MPP7: variants seen among roughly 807,000 people sequenced by gnomAD.
The protein encoded by MPP7 is MAGUK p55 subfamily member 7.
Under a neutral mutation model 76.5 loss-of-function variants are expected in MPP7, and 60 were observed. That is an observed-to-expected ratio of 0.78 (90% CI 0.64 to 0.97). The LOEUF is 0.97. Ranked by LOEUF, MPP7 falls within the 50% of genes least tolerant of loss-of-function variation. The pLI is 0.00. For synonymous variants in MPP7, 237 were observed against 244.5 expected (o/e 0.97, Z 0.29); for missense variants, 641 against 694.0 (o/e 0.92, Z 0.86).
intron 8 of MPP7, among the ~76,000 whole-genome samples, chr10:28,121,501 CTGAG>C (rs1385099131): frequency 6.6e-6 from 1 of 151,994 alleles, no homozygotes. Context: ...GATGAAAAGA[CTGAG>C]TATCTATTCT....
chr10:28,213,473 G>A (rs1838209004), intron 2 of MPP7, among the ~76,000 whole-genome samples: 1 of 152,052 alleles, frequency 6.6e-6, no homozygotes, highest in Non-Finnish European at 1.5e-5. Context: ...CTGAGAGTGA[G>A]GACATGGAAG....
chr10:28,128,653 T>C (rs982099402), intron 6 of MPP7, among the ~76,000 whole-genome samples: 2 of 152,152 alleles, frequency 1.3e-5, no homozygotes, highest in Non-Finnish European at 2.9e-5. Flanking sequence ...AAGGATGGAA[T>C]TGCCATCAAC....
intron 2 of MPP7, among the ~76,000 whole-genome samples, chr10:28,323,474 A>G (rs2133186051): frequency 6.6e-6 from 1 of 151,990 alleles, no homozygotes; most frequent in Admixed American, 6.5e-5. Flanking sequence ...AAAAGAAAGA[A>G]AGAAATCCCA....
chr10:28,165,482 C>T (rs2133840803), intron 3 of MPP7, among the ~76,000 whole-genome samples: 1 of 150,920 alleles, frequency 6.6e-6, no homozygotes, highest in Admixed American at 6.6e-5. Context: ...GCCATGACTG[C>T]ACCACTGCCC....
intron 2 of MPP7, among the ~76,000 whole-genome samples, chr10:28,217,726 G>A (rs1156704617): frequency 6.6e-6 from 1 of 151,974 alleles, no homozygotes; most frequent in Non-Finnish European, 1.5e-5. Context: ...GAAAAAAGAA[G>A]CCAGGAAACA....
At chr10:28,163,960 G>A (rs1420280127) in intron 3 of MPP7, among the ~76,000 whole-genome samples, 2 of 151,198 alleles carry the variant, frequency 1.3e-5, no homozygotes, top group Non-Finnish European at 2.9e-5. Context: ...AAAAACCAGA[G>A]GAACGATGCT....
intron 1 of MPP7, among the ~76,000 whole-genome samples, chr10:28,244,505 T>C (rs1278687104): frequency 6.6e-6 from 1 of 151,994 alleles, no homozygotes; most frequent in East Asian, 1.9e-4. Flanking sequence ...TTCCTAGTTT[T>C]CAAGAAAAAA....
intron 3 of MPP7, among the ~76,000 whole-genome samples, chr10:28,158,506 G>A (rs1025554218): frequency 6.6e-6 from 1 of 152,152 alleles, no homozygotes; most frequent in African/African-American, 2.4e-5. Context: ...GAGAACAGGG[G>A]TACAGAGAAG....
intron 12 of MPP7, among the ~76,000 whole-genome samples, chr10:28,080,741 C>A (rs1346097411): frequency 6.6e-6 from 1 of 152,124 alleles, no homozygotes; most frequent in African/African-American, 2.4e-5. Context: ...AACTGTGACT[C>A]CAGTGAAGAT....
intron 2 of MPP7, among the ~76,000 whole-genome samples, chr10:28,211,828 A>G (rs1229099395): frequency 6.6e-6 from 1 of 152,060 alleles, no homozygotes; most frequent in Non-Finnish European, 1.5e-5. Flanking sequence ...ATAAGGAAGG[A>G]TATGGGAGCC....
rs60960005 is a variant in MPP7, at chr10:28,143,855, C to CTGTG, written c.315+3624_315+3627dup. On this transcript the variant is annotated intron_variant, in intron 5 of 16. Transcript: ENST00000683449. The stretch of plus-strand genomic sequence containing the variant: ...CTTTCATTAGGACCTCAATCGTGTG[C>CTGTG]TGTGTGTGTGTGTGTGTGTGTGTGT... Among the ~76,000 whole-genome samples, 325 of 134,552 alleles carry CTGTG rather than the reference C, an allele frequency of 2.4e-3. 2 individuals carry two copies. Among genetic ancestry groups the CTGTG allele is most frequent in the African/African-American group, 4.9e-3 (177 of 36,416 alleles). The allele number at this position is 134,552 out of a possible 152,430, so 88.3% of individuals were successfully genotyped here.
intron 1 of MPP7, among the ~76,000 whole-genome samples, chr10:28,247,939 T>C (rs1457173468): frequency 6.6e-6 from 1 of 152,182 alleles, no homozygotes; most frequent in Non-Finnish European, 1.5e-5. Flanking sequence ...ATCTATTGAG[T>C]ATACTTTGTA....
At chr10:28,112,057 T>C (rs1564635990) in intron 11 of MPP7, among the ~76,000 whole-genome samples, 2 of 152,220 alleles carry the variant, frequency 1.3e-5, no homozygotes, top group Non-Finnish European at 2.9e-5. Context: ...GTTTGACCAG[T>C]ATTAGCAAAT....
At chr10:28,181,848 C>A (rs972989761) in intron 3 of MPP7, among the ~76,000 whole-genome samples, 9 of 152,284 alleles carry the variant, frequency 5.9e-5, no homozygotes, top group East Asian at 1.9e-4. Flanking sequence ...TCCCAGAGGA[C>A]CCCGCTAGAG....
intron 2 of MPP7, among the ~76,000 whole-genome samples, chr10:28,214,430 A>G (rs1838243155): frequency 6.6e-6 from 1 of 152,108 alleles, no homozygotes; most frequent in Admixed American, 6.5e-5. Flanking sequence ...TTAACTTAAC[A>G]CACTTGCCAA....
At chr10:28,148,228 C>T (rs990240776) in intron 4 of MPP7, among the ~76,000 whole-genome samples, 1 of 152,152 alleles carries the variant, frequency 6.6e-6, no homozygotes, top group Non-Finnish European at 1.5e-5. Context: ...CAAGAATTCC[C>T]ATTTTGGGTT....
intron 12 of MPP7, 68 bp from the exon 13 acceptor site, chr10:28,069,920 T>C: frequency 8.5e-7 from 1 of 1,182,492 alleles, no homozygotes. Context: ...GTAACTGACA[T>C]GAGTCTCTAA....
intron 11 of MPP7, among the ~76,000 whole-genome samples, chr10:28,117,682 C>A (rs999263423): frequency 6.6e-6 from 1 of 152,096 alleles, no homozygotes; most frequent in South Asian, 2.1e-4. Flanking sequence ...ATGATTTATG[C>A]ATAACTTTTA....
intron 3 of MPP7, among the ~76,000 whole-genome samples, chr10:28,169,687 T>C (rs1036700966): frequency 6.6e-6 from 1 of 152,218 alleles, no homozygotes; most frequent in Admixed American, 6.5e-5. Flanking sequence ...ACTCATGGTT[T>C]CTGCTGCTAT....
Sources: allele counts gnomAD v4.1 joint callset (sites outside exome capture counted in the v4.1 genomes callset), GRCh38; gene constraint gnomAD v4.1.1; transcripts MANE v1.5; gene names NCBI Gene and HGNC (gene_info 2026-07-23, HGNC 2026-07-21).